ATPAF1: variants seen among roughly 807,000 people sequenced by gnomAD.
ATPAF1 encodes the protein ATP synthase mitochondrial F1 complex assembly factor 1.
ATPAF1 carries 26 observed loss-of-function variants against 43.9 expected under a neutral mutation model. The observed-to-expected ratio is 0.59, with a 90% CI of 0.43 to 0.82. ATPAF1 has a LOEUF of 0.82. Ranked by LOEUF, ATPAF1 falls within the 40% of genes least tolerant of loss-of-function variation. ATPAF1 has a pLI of 0.00. For missense variants in ATPAF1, 366 were observed against 435.0 expected (o/e 0.84, Z 1.41); for synonymous variants, 157 against 168.0 (o/e 0.93, Z 0.50).
upstream of ATPAF1, chr1:46,668,475 G>A (rs541996564): frequency 9.3e-5 from 96 of 1,033,098 alleles, no homozygotes; most frequent in African/African-American, 8.1e-4. The surrounding 1 kb of genome is among the most constrained non-coding windows in gnomAD (Gnocchi z 4.4). Context: ...CGGCGAGGCG[G>A]GGCGGGGAGG....
At chr1:46,635,526 T>C (rs1472077547) in exon 9 of ATPAF1, 2 of 474,768 alleles carry the variant, frequency 4.2e-6, no homozygotes, top group Non-Finnish European at 7.5e-6. Flanking sequence ...GGCTGTCTCT[T>C]GTTATAACCT....
At chr1:46,636,122 C>CAAA in intron 8 of ATPAF1, 152 bp from the exon 9 acceptor site, 1 of 781,976 alleles carries the variant, frequency 1.3e-6, no homozygotes, top group South Asian at 1.4e-5. Flanking sequence ...GGTTAGGTGC[C>CAAA]CCTTCTCTGT....
chr1:46,643,999 T>G (rs932033272), intron 7 of ATPAF1, among the ~76,000 whole-genome samples: 1 of 152,230 alleles, frequency 6.6e-6, no homozygotes, highest in Non-Finnish European at 1.5e-5. Context: ...CGAGTCTTTT[T>G]AATTATAAAT....
chr1:46,662,442 C>T (rs977415318), intron 2 of ATPAF1, among the ~76,000 whole-genome samples: 3 of 150,176 alleles, frequency 2.0e-5, no homozygotes, highest in African/African-American at 5.0e-5. Context: ...TATAATTAAC[C>T]CATCTGTTAT....
In ATPAF1 at chr1:46,668,231, C is replaced by T; in HGVS notation, c.92G>A (p.Ser31Asn). The T allele has an allele frequency of 2.2e-6, 3 of 1,371,094 alleles. No individual in the cohort carries two copies. Among genetic ancestry groups the T allele is most frequent in the Non-Finnish European group, 1.9e-6 (2 of 1,061,018 alleles). 84.9% of individuals were successfully genotyped at this position (1,371,094 alleles called of 1,614,324 possible). Residue 31 changes from serine (S) to asparagine (N), a missense_variant, in exon 1 of 9, where the codon AGC (serine) becomes AAC (asparagine). Physicochemically the swap from Ser to Asn is conservative, Grantham distance 46. Around this residue, in one of 2 missense-constraint regions of ATPAF1, gnomAD observed 186 missense variants for 168.5 expected, o/e 1.10. Coordinates refer to ENST00000574428, the Ensembl canonical transcript of ATPAF1. The surrounding 1 kb of genome is among the most constrained non-coding windows in gnomAD (Gnocchi z 4.4). ...CACGAGCCCCAGGCCCAGGGCGCGG[C>T]TGCGCACCGCGCACAGGCCCCGGTA...
chr1:46,665,366 T>C lies in ATPAF1; in HGVS notation c.267-2A>G. 1 of 1,614,026 alleles carries C rather than the reference T, an allele frequency of 6.2e-7. No homozygotes were observed. On this transcript the variant is annotated splice_acceptor_variant, in intron 1 of 8. Transcript: ENST00000574428. LOFTEE classifies it high-confidence loss of function. Reference sequence around the variant, plus strand: ...GACTCAAAAGCAGCTGGGTCTGACCTGATCAGAGGTAAACCAAAGGGTAAA... The same window carrying C: ...GACTCAAAAGCAGCTGGGTCTGACCCGATCAGAGGTAAACCAAAGGGTAAA...
At chr1:46,636,263 C>A (rs1274609349) in intron 8 of ATPAF1, 3 of 467,660 alleles carry the variant, frequency 6.4e-6, no homozygotes, top group African/African-American at 5.9e-5. Flanking sequence ...TGTTTTATAT[C>A]TCTGCAGAGT....
chr1:46,645,370 T>A (rs888590396), intron 6 of ATPAF1, 114 bp from the exon 7 acceptor site: 9 of 869,378 alleles, frequency 1.0e-5, no homozygotes, highest in Non-Finnish European at 1.6e-5. Flanking sequence ...TAAAATATTT[T>A]TTTATTTTTT....
intron 8 of ATPAF1, among the ~76,000 whole-genome samples, chr1:46,636,804 T>C (rs1158552639): frequency 3.3e-5 from 5 of 152,154 alleles, no homozygotes; most frequent in Non-Finnish European, 5.9e-5. Flanking sequence ...ATAAAGGTTG[T>C]AACTTTTCTC....
chr1:46,644,108 T>C (rs958334620), intron 7 of ATPAF1, among the ~76,000 whole-genome samples: 1 of 152,228 alleles, frequency 6.6e-6, no homozygotes, highest in Non-Finnish European at 1.5e-5. Flanking sequence ...CATTCTAATA[T>C]TATACTAATC....
chr1:46,651,562 G>A (rs1267037760), intron 6 of ATPAF1, among the ~76,000 whole-genome samples: 1 of 152,012 alleles, frequency 6.6e-6, no homozygotes, highest in East Asian at 1.9e-4. Flanking sequence ...CTAGATCCCT[G>A]AGGAATCGCC....
chr1:46,634,120 A>G (rs902466838), downstream of ATPAF1: 6 of 312,524 alleles, frequency 1.9e-5, no homozygotes, highest in East Asian at 4.5e-4. Flanking sequence ...GCAACAAAAT[A>G]GACACGGCTC....
intron 6 of ATPAF1, among the ~76,000 whole-genome samples, chr1:46,646,314 T>C (rs1258052): frequency 0.4 from 61,287 of 152,156 alleles, 14,229 homozygotes; most frequent in East Asian, 0.78. Flanking sequence ...TGGAATTCTA[T>C]TGTAGAAGTT....
At chr1:46,656,490 C>T (rs1275512813) in intron 4 of ATPAF1, among the ~76,000 whole-genome samples, 4 of 152,136 alleles carry the variant, frequency 2.6e-5, no homozygotes, top group African/African-American at 9.7e-5. Flanking sequence ...GTTGCTTTAC[C>T]TTTTCTTTTT....
At chr1:46,663,731 T>C (rs1676439732) in intron 2 of ATPAF1, 1 of 540,450 alleles carries the variant, frequency 1.9e-6, no homozygotes, top group Non-Finnish European at 2.5e-6. Context: ...TCACTTAAAA[T>C]TCAGGATACC....
intron 2 of ATPAF1, among the ~76,000 whole-genome samples, chr1:46,662,999 T>G (rs1676421196): frequency 6.6e-6 from 1 of 152,118 alleles, no homozygotes; most frequent in Non-Finnish European, 1.5e-5. Context: ...GTTCTCATTG[T>G]TCGATTCCCA....
Position 46,653,807 on chromosome 1 carries a change from A to G in ATPAF1, c.540+10T>C. Reference sequence around the variant, plus strand: ...TGTAACACTTTCACTTTGCCCTCCAAACTACTTACAGGAATAACTGCGTAG... The same window carrying G: ...TGTAACACTTTCACTTTGCCCTCCAGACTACTTACAGGAATAACTGCGTAG... On this transcript the variant is annotated intron_variant, in intron 5 of 8. Coordinates refer to ENST00000574428, the Ensembl canonical transcript of ATPAF1. This position sits in a 1 kb window ranked among gnomAD's most constrained non-coding sequence, Gnocchi z 4.8. 1 of 1,606,406 alleles carries G rather than the reference A, an allele frequency of 6.2e-7. No individual in the cohort carries two copies. Among genetic ancestry groups the G allele is most frequent in the East Asian group, 2.2e-5 (1 of 44,516 alleles).
chr1:46,668,372 G>A (rs1229734577), upstream of ATPAF1: 3 of 1,266,240 alleles, frequency 2.4e-6, no homozygotes, highest in South Asian at 2.5e-5. The surrounding 1 kb of genome is among the most constrained non-coding windows in gnomAD (Gnocchi z 4.4). Flanking sequence ...CTCGGCCCGC[G>A]GCCCGCGCGC....
chr1:46,633,810 G>A, downstream of ATPAF1: 1 of 456,180 alleles, frequency 2.2e-6, no homozygotes, highest in Non-Finnish European at 4.4e-6. Flanking sequence ...TACTATGTAT[G>A]GCTAATAACT....
Sources: allele counts gnomAD v4.1 joint callset (sites outside exome capture counted in the v4.1 genomes callset), GRCh38; gene constraint gnomAD v4.1.1; regional missense constraint gnomAD v4.1.1; non-coding constraint Gnocchi (gnomAD v3.1); transcripts MANE v1.5; gene names NCBI Gene and HGNC (gene_info 2026-07-23, HGNC 2026-07-21).